The following TP63 variants were observed in gnomAD, a reference collection of about 807,000 sequenced individuals.
TP63 encodes the protein tumor protein 63.
A neutral mutation model predicts 82.8 loss-of-function variants in TP63; 17 were observed. The observed-to-expected ratio is 0.21, with a 90% CI of 0.14 to 0.31. TP63 has a LOEUF of 0.31. Among genes scored for constraint, TP63 ranks in the 10% least tolerant of loss-of-function variants. The pLI is 1.00. For synonymous variants in TP63, 330 were observed against 321.7 expected, an observed-to-expected ratio of 1.03 and a Z score of -0.28; for missense variants, 648 against 895.3, an observed-to-expected ratio of 0.72 and a Z score of 3.52.
intron 4 of TP63, among the ~76,000 whole-genome samples, chr3:189,862,849 A>G (rs934213186): frequency 1.3e-5 from 2 of 152,216 alleles, no homozygotes; most frequent in Non-Finnish European, 1.5e-5. Context: ...TTCAAGCTAT[A>G]TAAAACCCTT....
intron 4 of TP63, among the ~76,000 whole-genome samples, chr3:189,842,435 T>C (rs1440520042): frequency 6.6e-6 from 1 of 152,198 alleles, no homozygotes. Context: ...TCTGGGTCTC[T>C]CATTTATCGG....
At chr3:189,647,459 A>G (rs1226523764) in intron 1 of TP63, among the ~76,000 whole-genome samples, 1 of 146,910 alleles carries the variant, frequency 6.8e-6, no homozygotes, top group Admixed American at 6.7e-5. Flanking sequence ...TACCTCTAAG[A>G]TGGTCCAACT....
At chr3:189,718,359 A>T (rs1719120620) in intron 1 of TP63, among the ~76,000 whole-genome samples, 1 of 151,710 alleles carries the variant, frequency 6.6e-6, no homozygotes, top group Admixed American at 6.6e-5. Flanking sequence ...ACAGAGTTTC[A>T]CAAGACTGGG....
chr3:189,864,574 G>A (rs1397183548), intron 5 of TP63, among the ~76,000 whole-genome samples, 156 bp downstream of exon 5: 1 of 118,366 alleles, frequency 8.4e-6, no homozygotes, highest in African/African-American at 3.4e-5. Context: ...TTGGCTGACA[G>A]TATCTAAGAA....
intron 3 of TP63, among the ~76,000 whole-genome samples, chr3:189,740,768 G>A (rs1720924379): frequency 6.6e-6 from 1 of 152,192 alleles, no homozygotes; most frequent in Non-Finnish European, 1.5e-5. Context: ...TGAAAGTGCT[G>A]GGATTACAGG....
chr3:189,707,145 C>T (rs1413979892), intron 1 of TP63, among the ~76,000 whole-genome samples: 1 of 152,176 alleles, frequency 6.6e-6, no homozygotes, highest in African/African-American at 2.4e-5. Context: ...ATAATACTAT[C>T]TAAAAAAGGA....
At chr3:189,773,849 C>G (rs1036328612) in intron 3 of TP63, among the ~76,000 whole-genome samples, 1 of 150,482 alleles carries the variant, frequency 6.6e-6, no homozygotes, top group Non-Finnish European at 1.5e-5. Context: ...TTATAATATG[C>G]AAGTGACTGG....
chr3:189,705,990 T>G (rs2108747266), intron 1 of TP63, among the ~76,000 whole-genome samples: 1 of 152,318 alleles, frequency 6.6e-6, no homozygotes, highest in South Asian at 2.1e-4. Flanking sequence ...AAAAATTTAT[T>G]AATTCTGTAG....
At chr3:189,617,830 A>T in the TP63 span, among the ~76,000 whole-genome samples, 1 of 152,316 alleles carries the variant, frequency 6.6e-6, no homozygotes, top group Admixed American at 6.5e-5. Flanking sequence ...TTCCAACAAA[A>T]TTCTTGTGGA....
At chr3:189,776,283 C>T (rs1000323878) in intron 3 of TP63, among the ~76,000 whole-genome samples, 2 of 152,204 alleles carry the variant, frequency 1.3e-5, no homozygotes, top group South Asian at 2.1e-4. Flanking sequence ...ACAATAAGCC[C>T]GACATTCGTT....
chr3:189,607,364 G>A, the TP63 span, among the ~76,000 whole-genome samples: 4 of 152,136 alleles, frequency 2.6e-5, no homozygotes, highest in Non-Finnish European at 5.9e-5. Flanking sequence ...AGGAACTTTT[G>A]TGCTATCTTT....
At chr3:189,765,433 C>CGTTTTTTTTTTTT (rs1722869060) in intron 3 of TP63, among the ~76,000 whole-genome samples, 2 of 30,088 alleles carry the variant, frequency 6.6e-5, no homozygotes, top group East Asian at 9.9e-4. Flanking sequence ...CTGTCCTCTG[C>CGTTTTTTTTTTTT]TTTTTTTTTT....
intron 1 of TP63, among the ~76,000 whole-genome samples, chr3:189,717,938 T>C (rs1232009360): frequency 6.6e-6 from 1 of 152,248 alleles, no homozygotes; most frequent in Non-Finnish European, 1.5e-5. Context: ...AACCTTGCTA[T>C]ATAATCCACT....
At chr3:189,633,950 G>T (rs1729611181) in intron 1 of TP63, among the ~76,000 whole-genome samples, 1 of 152,018 alleles carries the variant, frequency 6.6e-6, no homozygotes, top group Non-Finnish European at 1.5e-5. Context: ...TTAACTGTTT[G>T]TCATGTGTTT....
intron 1 of TP63, among the ~76,000 whole-genome samples, chr3:189,650,124 G>A (rs1712767430): frequency 6.8e-6 from 1 of 146,558 alleles, no homozygotes; most frequent in African/African-American, 2.6e-5. Context: ...CTTAATTCTT[G>A]GGTGTCATCC....
chr3:189,677,741 C>T (rs546279640), intron 1 of TP63, among the ~76,000 whole-genome samples: 1 of 151,886 alleles, frequency 6.6e-6, no homozygotes, highest in Non-Finnish European at 1.5e-5. Flanking sequence ...CTTTTTCTCC[C>T]CAGCCTCATC....
At chr3:189,872,624 C>G (rs561617833) in intron 9 of TP63, among the ~76,000 whole-genome samples, 3 of 152,146 alleles carry the variant, frequency 2.0e-5, no homozygotes, top group African/African-American at 7.2e-5. Context: ...GATGACAGAG[C>G]ATCTCCTTGT....
chr3:189,866,121 T>C (rs1414580048), intron 5 of TP63, among the ~76,000 whole-genome samples: 1 of 152,138 alleles, frequency 6.6e-6, no homozygotes, highest in African/African-American at 2.4e-5. Flanking sequence ...GCATCCCTTT[T>C]CTTACACCCA....
At chr3:189,695,605 T>G (rs1410342890) in intron 1 of TP63, among the ~76,000 whole-genome samples, 1 of 152,216 alleles carries the variant, frequency 6.6e-6, no homozygotes, top group African/African-American at 2.4e-5. Flanking sequence ...CCCATGTATA[T>G]GCACATATCT....
Sources: gnomAD v4.1 joint callset for allele counts (sites outside exome capture counted in the v4.1 genomes callset) on GRCh38, gnomAD v4.1.1 for gene constraint, MANE v1.5 for transcripts, NCBI Gene and HGNC (gene_info 2026-07-23, HGNC 2026-07-21) for gene names.